The following RRM2 variants were observed in gnomAD, a reference collection of about 807,000 sequenced individuals.
RRM2 encodes ribonucleoside-diphosphate reductase subunit M2.
A neutral mutation model predicts 45.9 loss-of-function variants in RRM2; 6 were observed. The observed-to-expected ratio is 0.13, with a 90% CI of 0.07 to 0.26. RRM2 has a LOEUF of 0.26. Ranked by LOEUF, RRM2 falls within the 10% of genes least tolerant of loss-of-function variation. The pLI, the probability that RRM2 is intolerant of heterozygous loss-of-function variation, is 1.00. For synonymous variants in RRM2, 177 were observed against 173.0 expected (o/e 1.02, Z -0.18); for missense variants, 343 against 489.5 (o/e 0.70, Z 2.82).
At chr2:10,166,177 T>G (rs1335280922) in intron 3 of RRM2, among the ~76,000 whole-genome samples, 1 of 152,206 alleles carries the variant, frequency 6.6e-6, no homozygotes. Flanking sequence ...AGGCCCCATT[T>G]CCTGAGCAGA....
intron 3 of RRM2, chr2:10,155,254 A>G (rs1041278325): frequency 7.0e-5 from 15 of 214,510 alleles, no homozygotes; most frequent in Non-Finnish European, 1.5e-4. Context: ...GTCTTGTGAA[A>G]ATGGTTAGAT....
chr2:10,138,802 GC>G (rs1048564719), upstream of RRM2, among the ~76,000 whole-genome samples: 1 of 152,128 alleles, frequency 6.6e-6, no homozygotes, highest in Non-Finnish European at 1.5e-5. Context: ...CATTCAGTTT[GC>G]CCATCTAAAG....
intron 3 of RRM2, among the ~76,000 whole-genome samples, chr2:10,177,130 C>T (rs1444245221): frequency 2.0e-5 from 3 of 152,076 alleles, no homozygotes; most frequent in Non-Finnish European, 4.4e-5. Context: ...TCTGTAATCC[C>T]AGCTACTCTG....
chr2:10,142,031 T>G, intron 2 of RRM2: 1 of 1,586,720 alleles, frequency 6.3e-7, no homozygotes, highest in African/African-American at 1.3e-5. Context: ...TGCTCTTTCA[T>G]GTGGGGAGCC....
In RRM2 at chr2:10,129,151, C is replaced by G; in HGVS notation, c.1014C>G (p.Ser338Arg). ...GACTTATGCTGGAACTGGGTTTTAG[C>G]AAGGTAAAGTATTGTTTACATAGCC... is the stretch of plus-strand genomic sequence containing the variant. ...ADRLMLELGF[S>R]KVFRVENPFD... The change falls in exon 9 of 10, where the codon AGC becomes AGG. Residue 338 changes from serine to arginine, a missense_variant. Ser to Arg is a moderately radical substitution (Grantham distance 110, BLOSUM62 -1). Around this residue, in one of 2 missense-constraint regions of RRM2, gnomAD observed 212 missense variants for 368.1 expected, o/e 0.58. Coordinates refer to ENST00000304567, the MANE Select transcript of RRM2 (RefSeq NM_001034.4). This position sits in a 1 kb window ranked among gnomAD's most constrained non-coding sequence, Gnocchi z 4.8. The G allele has an allele frequency of 6.2e-7, 1 of 1,614,072 alleles. No individual in the cohort carries two copies.
At chr2:10,132,098 C>A (rs1275938527), downstream of RRM2, among the ~76,000 whole-genome samples, 2 of 152,144 alleles carry the variant, frequency 1.3e-5, no homozygotes, top group Non-Finnish European at 2.9e-5. Context: ...ACTCGGAATC[C>A]CACCCACTTT....
chr2:10,129,043 G>A lies in RRM2; in HGVS notation c.906G>A (p.Glu302=). ...AGAAGCTGTATTTTGGTTCCTAGGA[G>A]TTCCTCACTGAGGCCTTGCCTGTGA... ...IIINAVRIEQ[E]FLTEALPVKL... Residue 302 remains glutamate (E), a splice_region_variant and synonymous_variant, in exon 9 of 10, where the codon GAG becomes GAA. Transcript: ENST00000304567. This position sits in a 1 kb window ranked among gnomAD's most constrained non-coding sequence, Gnocchi z 4.8. 1.9e-6 allele frequency: 3 copies of A among 1,614,024 alleles called. No individual in the cohort carries two copies. Among genetic ancestry groups the A allele is most frequent in the Non-Finnish European group, 1.7e-6 (2 of 1,179,888 alleles).
chr2:10,198,455 T>G (rs1475353025), intron 3 of RRM2: 1 of 151,092 alleles, frequency 6.6e-6, no homozygotes, highest in Non-Finnish European at 1.5e-5. Context: ...CAGCCTGGAG[T>G]GCAGTGGTGC....
At chr2:10,124,656 C>T (rs1165143246) in intron 4 of RRM2, 61 bp from the exon 5 acceptor site, 12 of 1,591,360 alleles carry the variant, frequency 7.5e-6, no homozygotes, top group East Asian at 2.2e-5. Context: ...TGCCAGTATC[C>T]GTTGACAGTT....
intron 3 of RRM2, among the ~76,000 whole-genome samples, chr2:10,199,790 A>AAAACAAAAAAAC (rs566246271): frequency 8.3e-5 from 6 of 71,866 alleles, no homozygotes; most frequent in Admixed American, 1.3e-4. Flanking sequence ...AAAAAAAAAA[A>AAAACAAAAAAAC]AAAAAAAAAA....
chr2:10,145,054 G>C (rs765484574), intron 3 of RRM2, among the ~76,000 whole-genome samples: 1 of 152,190 alleles, frequency 6.6e-6, no homozygotes, highest in Non-Finnish European at 1.5e-5. Context: ...AGGAGTCTGT[G>C]GGAGAGTGGA....
chr2:10,135,094 T>C (rs1662967566), downstream of RRM2, among the ~76,000 whole-genome samples: 1 of 152,228 alleles, frequency 6.6e-6, no homozygotes, highest in Non-Finnish European at 1.5e-5. Flanking sequence ...AGAAGATACA[T>C]TTTCATGCCA....
chr2:10,123,871 T>C lies in RRM2; in HGVS notation c.435+19T>C. 1 of 1,338,126 alleles carries C rather than the reference T, an allele frequency of 7.5e-7. No homozygotes were observed. The highest frequency in any genetic ancestry group is 1.1e-6 in the Non-Finnish European group (1 of 929,574). The allele number at this position is 1,338,126 out of a possible 1,614,324, so 82.9% of individuals were successfully genotyped here. ...AAACTTGGTGAGTTTCCAAAACATC[T>C]TTCATTCATTTGACGTTGACGATCT... is the stretch of plus-strand genomic sequence containing the variant. On this transcript the variant is annotated intron_variant, in intron 4 of 9. Coordinates refer to ENST00000304567, the MANE Select transcript of RRM2 (RefSeq NM_001034.4).
intron 3 of RRM2, among the ~76,000 whole-genome samples, chr2:10,166,965 G>A (rs1273460169): frequency 6.6e-6 from 1 of 152,200 alleles, no homozygotes; most frequent in Non-Finnish European, 1.5e-5. Context: ...TTATGATGGG[G>A]ACAGGCCGTG....
chr2:10,125,006 G>T, intron 5 of RRM2, 156 bp downstream of exon 5: 1 of 593,536 alleles, frequency 1.7e-6, no homozygotes, highest in East Asian at 2.8e-5. Context: ...CTTAGCAAGG[G>T]GCCTAAATGC....
intron 3 of RRM2, among the ~76,000 whole-genome samples, chr2:10,150,962 T>A (rs898386085): frequency 3.3e-5 from 5 of 150,880 alleles, no homozygotes; most frequent in African/African-American, 1.2e-4. Context: ...TACAGGTGCC[T>A]GCTACCACGC....
intron 3 of RRM2, among the ~76,000 whole-genome samples, chr2:10,178,293 G>C (rs1240038436): frequency 6.8e-6 from 1 of 147,306 alleles, no homozygotes; most frequent in Non-Finnish European, 1.5e-5. Context: ...CACCATCTCA[G>C]CTCACTGCAA....
rs572680859 is a variant in RRM2, at chr2:10,149,994, G to A, written n.482+7619G>A. Reference sequence around the variant, plus strand: ...ACCCTCTGACTCGTTTCTAGTTTGGGTTTCATCTCTCATCTGTTTCCATTG... The same window carrying A: ...ACCCTCTGACTCGTTTCTAGTTTGGATTTCATCTCTCATCTGTTTCCATTG... On this transcript the variant is annotated intron_variant and non_coding_transcript_variant, in intron 3 of 3. Coordinates refer to the RRM2 transcript ENST00000381786. 3.1e-4 allele frequency among the ~76,000 whole-genome samples: 47 copies of A among 152,310 alleles called. No individual in the cohort carries two copies. The South Asian group carries it at 3.7e-3, about 12-fold the overall frequency.
At chr2:10,192,858 A>G (rs779961413) in intron 3 of RRM2, among the ~76,000 whole-genome samples, 1 of 152,170 alleles carries the variant, frequency 6.6e-6, no homozygotes, top group Non-Finnish European at 1.5e-5. Flanking sequence ...CTTCCAACTG[A>G]TGACCCCTCT....
Sources: gnomAD v4.1 joint callset for allele counts (sites outside exome capture counted in the v4.1 genomes callset) on GRCh38, gnomAD v4.1.1 for gene constraint, gnomAD v4.1.1 regional missense constraint, Gnocchi (gnomAD v3.1) non-coding constraint, MANE v1.5 for transcripts, NCBI Gene and HGNC (gene_info 2026-07-23, HGNC 2026-07-21) for gene names.